The following DIRAS1 variants were observed in gnomAD, a reference collection of about 807,000 sequenced individuals.
DIRAS1 encodes the protein GTP-binding protein Di-Ras1.
A neutral mutation model predicts 11.5 loss-of-function variants in DIRAS1; 3 were observed. The observed-to-expected ratio is 0.26, with a 90% CI of 0.12 to 0.67. The LOEUF is 0.67. Ranked by LOEUF, DIRAS1 falls within the 30% of genes least tolerant of loss-of-function variation. The pLI, the probability that DIRAS1 is intolerant of heterozygous loss-of-function variation, is 0.80. For synonymous variants in DIRAS1, 128 were observed against 125.8 expected, an observed-to-expected ratio of 1.02 and a Z score of -0.12; for missense variants, 212 against 285.3, an observed-to-expected ratio of 0.74 and a Z score of 1.85.
intron 1 of DIRAS1, among the ~76,000 whole-genome samples, chr19:2,720,508 C>T (rs1189531899): frequency 6.6e-6 from 1 of 152,124 alleles, no homozygotes; most frequent in African/African-American, 2.4e-5. Flanking sequence ...GGGGTGGAGG[C>T]GCACAGCGGG....
chr19:2,718,569 A>G lies in DIRAS1; in HGVS notation c.-69-694T>C, dbSNP rs1446023687. 6.6e-6 allele frequency among the ~76,000 whole-genome samples: 1 copy of G among 152,172 alleles called. No homozygotes were observed. ...AGACAGAGTTTCGCTCTTGCTGCCC[A>G]GGCTGGAGTGCAATGGCACAATCTT... is the stretch of plus-strand genomic sequence containing the variant. On this transcript the variant is annotated intron_variant, in intron 1 of 1. Transcript: ENST00000323469. This position sits in a 1 kb window ranked among gnomAD's most constrained non-coding sequence, Gnocchi z 4.2.
At position 2,717,402 on chromosome 19, in the gene DIRAS1, C is replaced by A. The variant is rs1363130016; in HGVS notation, c.405G>T (p.Ala135=). The A allele has an allele frequency of 1.7e-5, 27 of 1,607,420 alleles. No homozygotes were observed. Among genetic ancestry groups the A allele is most frequent in the South Asian group, 4.4e-5 (4 of 91,082 alleles). Residue 135 remains alanine, a synonymous_variant, in exon 2 of 2, where the codon GCG becomes GCT. Coordinates refer to ENST00000323469, the MANE Select transcript of DIRAS1 (RefSeq NM_145173.4). ...ACTTCCACTCCTGGGCCACCGCCTG[C>A]GCCTCGCGCGTGTCCACCTCCCGCT... ...ETQREVDTRE[A]QAVAQEWKCA...
intron 1 of DIRAS1, among the ~76,000 whole-genome samples, chr19:2,719,604 G>A (rs1568295572): frequency 6.6e-6 from 1 of 151,212 alleles, no homozygotes. Context: ...GGGGAGGGGT[G>A]TTCCCCAGCA....
In DIRAS1 at chr19:2,717,300, C is replaced by G; in HGVS notation, c.507G>C (p.Thr169=). ...ELFQELLTLE[T]RRNMSLNIDG... ...CGATGTTGAGGCTCATGTTCCGGCG[C>G]GTCTCCAGCGTCAGCAGCTCCTGGA... Residue 169 remains threonine (T), a synonymous_variant, in exon 2 of 2, where the codon ACG becomes ACC. Transcript: ENST00000323469. The G allele has an allele frequency of 1.2e-6, 2 of 1,612,360 alleles. No individual in the cohort carries two copies. The highest frequency in any genetic ancestry group is 1.7e-6 in the Non-Finnish European group (2 of 1,179,902).
chr19:2,717,712 A>T lies in DIRAS1; in HGVS notation c.95T>A (p.Phe32Tyr). 1 of 1,609,646 alleles carries T rather than the reference A, an allele frequency of 6.2e-7. No individual in the cohort carries two copies. The highest frequency in any genetic ancestry group is 2.2e-5 in the East Asian group (1 of 44,880). The change falls in exon 2 of 2, where the codon TTC becomes TAC. Residue 32 changes from phenylalanine to tyrosine, a missense_variant. Phe to Tyr is a conservative substitution (Grantham distance 22). This residue lies in a region of DIRAS1 where 128 missense variants were observed against 205.3 expected (regional missense o/e 0.62). Transcript: ENST00000323469. Reference sequence around the variant, plus strand: ...GATGGTGGGGATGTAGGTGTCGCGGAACGTGCCCTTCACGAAGCGCAGCAC... The same window carrying T: ...GATGGTGGGGATGTAGGTGTCGCGGTACGTGCCCTTCACGAAGCGCAGCAC... ...SLVLRFVKGT[F>Y]RDTYIPTIED...
rs755329305 is a variant in DIRAS1, at chr19:2,717,616, C to T, written c.191G>A (p.Gly64Asp). Residue 64 changes from glycine (G) to aspartate (D), a missense_variant, in exon 2 of 2, where the codon GGC (glycine) becomes GAC (aspartate). By Grantham distance (94) the Gly-to-Asp change is moderately conservative. Around this residue, in one of 2 missense-constraint regions of DIRAS1, gnomAD observed 128 missense variants for 205.3 expected, o/e 0.62. Coordinates refer to ENST00000323469, the MANE Select transcript of DIRAS1 (RefSeq NM_145173.4). Reference protein sequence around the residue: ...VCTLQITDTTGSHQFPAMQRL... With the variant: ...VCTLQITDTTDSHQFPAMQRL... ...CTGCATGGCCGGGAACTGGTGGCTG[C>T]CGGTGGTGTCTGTGATCTGCAGCGT... The T allele has an allele frequency of 6.2e-7, 1 of 1,613,274 alleles. No homozygotes were observed. The highest frequency in any genetic ancestry group is 1.7e-5 in the Admixed American group (1 of 60,012).
In DIRAS1 at chr19:2,717,320, C is replaced by G; in HGVS notation, c.487G>C (p.Glu163Gln). Residue 163 changes from glutamate (E) to glutamine (Q), a missense_variant, in exon 2 of 2, where the codon GAG becomes CAG. Around this residue, in one of 2 missense-constraint regions of DIRAS1, gnomAD observed 84 missense variants for 79.9 expected, o/e 1.05. Coordinates refer to ENST00000323469, the MANE Select transcript of DIRAS1 (RefSeq NM_145173.4). Reference sequence around the variant, plus strand: ...CGGCGCGTCTCCAGCGTCAGCAGCTCCTGGAAGAGCTCCTTGACGTTGTAG... The same window carrying G: ...CGGCGCGTCTCCAGCGTCAGCAGCTGCTGGAAGAGCTCCTTGACGTTGTAG... ...MNYNVKELFQ[E>Q]LLTLETRRNM... 1 of 1,612,188 alleles carries G rather than the reference C, an allele frequency of 6.2e-7. No homozygotes were observed. The highest frequency in any genetic ancestry group is 8.5e-7 in the Non-Finnish European group (1 of 1,179,988).
Position 2,717,373 on chromosome 19 carries a change from G to C in DIRAS1, c.434C>G (p.Ala145Gly). The C allele has an allele frequency of 6.2e-7, 1 of 1,609,122 alleles. No individual in the cohort carries two copies. Among genetic ancestry groups the C allele is most frequent in the Non-Finnish European group, 8.5e-7 (1 of 1,179,984 alleles). The part of the protein sequence containing the change: ...AQAVAQEWKC[A>G]FMETSAKMNY... Reference sequence around the variant, plus strand: ...CATCTTGGCCGAGGTCTCCATGAAAGCGCACTTCCACTCCTGGGCCACCGC... The same window carrying C: ...CATCTTGGCCGAGGTCTCCATGAAACCGCACTTCCACTCCTGGGCCACCGC... Residue 145 changes from alanine to glycine, a missense_variant, in exon 2 of 2, where the codon GCT becomes GGT. Physicochemically the swap from Ala to Gly is moderately conservative, Grantham distance 60. Coordinates refer to ENST00000323469, the MANE Select transcript of DIRAS1 (RefSeq NM_145173.4).
In DIRAS1 at chr19:2,718,895, A is replaced by G. The variant is rs1031287778; in HGVS notation, c.-69-1020T>C. Among the ~76,000 whole-genome samples, 1 of 150,042 alleles carries G rather than the reference A, an allele frequency of 6.7e-6. No individual in the cohort carries two copies. The highest frequency in any genetic ancestry group is 1.5e-5 in the Non-Finnish European group (1 of 67,652). ...GAGTTCAGTGGTGCAATCTCGGCTC[A>G]CTGCAACCTCTGCCTCCTCGGTTCA... is the stretch of plus-strand genomic sequence containing the variant. On this transcript the variant is annotated intron_variant, in intron 1 of 1. Transcript: ENST00000323469. The surrounding 1 kb of genome is among the most constrained non-coding windows in gnomAD (Gnocchi z 4.2).
chr19:2,720,975 G>A (rs1205894748), intron 1 of DIRAS1, among the ~76,000 whole-genome samples: 1 of 151,240 alleles, frequency 6.6e-6, no homozygotes, highest in East Asian at 2.0e-4. Context: ...CGAAGAAGGC[G>A]GCTGCAGGAG....
In DIRAS1 at chr19:2,714,969, G is replaced by A. The variant is rs1372941293; in HGVS notation, c.*2241C>T. On this transcript the variant is annotated 3_prime_UTR_variant, in exon 2 of 2. Coordinates refer to ENST00000323469, the MANE Select transcript of DIRAS1 (RefSeq NM_145173.4). ...AGCTACTGCCAGGACAGGAGAGGAG[G>A]CAACATCAGCTGCTGGTGGGCCCTG... 1 of 152,602 alleles carries A rather than the reference G, an allele frequency of 6.6e-6. No individual in the cohort carries two copies. Among genetic ancestry groups the A allele is most frequent in the Non-Finnish European group, 1.5e-5 (1 of 68,158 alleles). The allele number at this position is 152,602 out of a possible 1,614,324, so 9.5% of individuals were successfully genotyped here. A position where few individuals can be genotyped will look rare whatever the true frequency, so the allele number is the denominator to read the frequency against.
intron 1 of DIRAS1, among the ~76,000 whole-genome samples, chr19:2,719,956 C>T (rs1161779932): frequency 1.3e-5 from 2 of 152,214 alleles, no homozygotes; most frequent in African/African-American, 4.8e-5. Flanking sequence ...TCAAGGGTAA[C>T]AGATTTGCCA....
Position 2,717,859 on chromosome 19 carries a change from A to G in DIRAS1, c.-53T>C. 6.6e-7 allele frequency: 1 copy of G among 1,516,882 alleles called. No homozygotes were observed. Among genetic ancestry groups the G allele is most frequent in the Middle Eastern group, 1.8e-4 (1 of 5,646 alleles). The allele number at this position is 1,516,882 out of a possible 1,614,324, so 94.0% of individuals were successfully genotyped here. ...GCCGGGAGGGCTGGTGCCAGCTGCA[A>G]GAACCCCAGACCGAGCCTGTGCAGA... On this transcript the variant is annotated 5_prime_UTR_variant, in exon 2 of 2. Coordinates refer to ENST00000323469, the MANE Select transcript of DIRAS1 (RefSeq NM_145173.4).
Position 2,714,979 on chromosome 19 carries a change from C to G in DIRAS1, c.*2231G>C, listed in dbSNP as rs1408124243. ...AGGACAGGAGAGGAGGCAACATCAG[C>G]TGCTGGTGGGCCCTGGGCCAGCCCA... is the stretch of plus-strand genomic sequence containing the variant. On this transcript the variant is annotated 3_prime_UTR_variant, in exon 2 of 2. Transcript: ENST00000323469. 3 of 152,580 alleles carry G rather than the reference C, an allele frequency of 2.0e-5. No individual in the cohort carries two copies. The East Asian group carries it at 5.8e-4, about 29-fold the overall frequency. 9.5% of individuals were successfully genotyped at this position (152,580 alleles called of 1,614,324 possible). A position where few individuals can be genotyped will look rare whatever the true frequency, so the allele number is the denominator to read the frequency against.
Position 2,715,511 on chromosome 19 carries a change from A to T in DIRAS1, c.*1699T>A, listed in dbSNP as rs1334627827. ...GCAACAACCACATGAGCTTCTAAGA[A>T]GCAAATCCTTCCCCGATCAGGCCTT... On this transcript the variant is annotated 3_prime_UTR_variant, in exon 2 of 2. Coordinates refer to ENST00000323469, the MANE Select transcript of DIRAS1 (RefSeq NM_145173.4). 1 of 152,226 alleles carries T rather than the reference A, an allele frequency of 6.6e-6. No homozygotes were observed. Among genetic ancestry groups the T allele is most frequent in the Non-Finnish European group, 1.5e-5 (1 of 68,050 alleles). 9.4% of individuals were successfully genotyped at this position (152,226 alleles called of 1,614,324 possible).
At chr19:2,721,058 A>AG (rs1386494887) in intron 1 of DIRAS1, among the ~76,000 whole-genome samples, 29 of 19,620 alleles carry the variant, frequency 1.5e-3, no homozygotes, top group South Asian at 3.5e-3. Context: ...CGGGCTCGGC[A>AG]GGGGGGCGCC....
At chr19:2,721,005 G>A (rs1326146210) in intron 1 of DIRAS1, among the ~76,000 whole-genome samples, 1 of 150,846 alleles carries the variant, frequency 6.6e-6, no homozygotes, top group East Asian at 2.0e-4. Flanking sequence ...CCTGCCCGAG[G>A]GGACCAATGC....
chr19:2,719,930 G>A (rs1396665931), intron 1 of DIRAS1, among the ~76,000 whole-genome samples: 1 of 152,208 alleles, frequency 6.6e-6, no homozygotes, highest in Non-Finnish European at 1.5e-5. Flanking sequence ...TGGTTGCAAA[G>A]GCACCTTCTG....
intron 1 of DIRAS1, among the ~76,000 whole-genome samples, chr19:2,719,357 G>A (rs947653206): frequency 6.6e-6 from 1 of 152,072 alleles, no homozygotes; most frequent in Non-Finnish European, 1.5e-5. Flanking sequence ...AGCCCCTCCC[G>A]TTCAGGTCTG....
Sources: gnomAD v4.1 joint callset for allele counts (sites outside exome capture counted in the v4.1 genomes callset) on GRCh38, gnomAD v4.1.1 for gene constraint, gnomAD v4.1.1 regional missense constraint, Gnocchi (gnomAD v3.1) non-coding constraint, MANE v1.5 for transcripts, NCBI Gene and HGNC (gene_info 2026-07-23, HGNC 2026-07-21) for gene names.